CCSER1: variants seen among roughly 807,000 people sequenced by gnomAD.
The protein encoded by CCSER1 is coiled-coil serine rich protein 1.
CCSER1 carries 41 observed loss-of-function variants against 82.0 expected under a neutral mutation model. That is an observed-to-expected ratio of 0.50 (90% CI 0.39 to 0.65). The LOEUF (loss-of-function observed/expected upper bound fraction) is 0.65, where lower values mean the gene tolerates loss of function less well. Among genes scored for constraint, CCSER1 ranks in the 30% least tolerant of loss-of-function variants. The pLI is 0.00. For missense variants in CCSER1, 1,119 were observed against 1,064.2 expected (o/e 1.05, Z -0.72); for synonymous variants, 414 against 383.9 (o/e 1.08, Z -0.92).
At chr4:91,184,396 A>G (rs991808647) in intron 10 of CCSER1, among the ~76,000 whole-genome samples, 3 of 152,228 alleles carry the variant, frequency 2.0e-5, no homozygotes, top group Non-Finnish European at 4.4e-5. Flanking sequence ...ATCTATGACT[A>G]TTAAAGGCCA....
chr4:90,285,344 T>C (rs1729673297), intron 1 of CCSER1, among the ~76,000 whole-genome samples: 1 of 152,058 alleles, frequency 6.6e-6, no homozygotes, highest in Non-Finnish European at 1.5e-5. Flanking sequence ...ATAGTTTCCA[T>C]TGTAGATATC....
intron 4 of CCSER1, among the ~76,000 whole-genome samples, chr4:90,403,498 C>CAAAAAAAA (rs753570201): frequency 2.2e-3 from 100 of 45,488 alleles, no homozygotes; most frequent in South Asian, 6.1e-3. Flanking sequence ...GACTCCGTCT[C>CAAAAAAAA]AAAAAAAAAA....
intron 8 of CCSER1, among the ~76,000 whole-genome samples, chr4:90,919,660 A>G (rs1027986416): frequency 2.6e-5 from 4 of 151,900 alleles, no homozygotes; most frequent in Non-Finnish European, 5.9e-5. Context: ...GACTTTTATT[A>G]TACAAATGTT....
chr4:91,467,393 A>C (rs1184757035), intron 10 of CCSER1, among the ~76,000 whole-genome samples: 1 of 152,242 alleles, frequency 6.6e-6, no homozygotes, highest in Non-Finnish European at 1.5e-5. Flanking sequence ...AAAACCATAA[A>C]AACTCTAGAA....
intron 8 of CCSER1, among the ~76,000 whole-genome samples, chr4:90,887,766 C>A (rs918294685): frequency 6.6e-6 from 1 of 152,092 alleles, no homozygotes; most frequent in African/African-American, 2.4e-5. Context: ...CCTGTAGTCT[C>A]TGCTACCTGG....
chr4:90,159,186 A>G (rs768440779), intron 1 of CCSER1, among the ~76,000 whole-genome samples: 1 of 152,040 alleles, frequency 6.6e-6, no homozygotes, highest in Non-Finnish European at 1.5e-5. Flanking sequence ...GGCCTATGCC[A>G]CCGTGACTGG....
At position 90,399,340 on chromosome 4, in the gene CCSER1, G is replaced by T. The variant is rs184992978; in HGVS notation, c.1510-696G>T. ...ATAATCTCAGCTCTGATATATTATG[G>T]TATAATGCAAGTCAATAATTAATTT... On this transcript the variant is annotated intron_variant, in intron 3 of 10. Transcript: ENST00000509176. Among the ~76,000 whole-genome samples the T allele has an allele frequency of 2.0e-3, 304 of 151,962 alleles. 1 individual carries two copies. Among genetic ancestry groups the T allele is most frequent in the African/African-American group, 7.0e-3 (289 of 41,480 alleles).
At chr4:91,468,843 A>G (rs992514789) in intron 10 of CCSER1, among the ~76,000 whole-genome samples, 11 of 152,140 alleles carry the variant, frequency 7.2e-5, no homozygotes, top group Admixed American at 7.2e-4. Flanking sequence ...GTATAAATAC[A>G]TCTCAAGATG....
chr4:91,219,282 G>A (rs917702305), intron 10 of CCSER1, among the ~76,000 whole-genome samples: 13 of 139,594 alleles, frequency 9.3e-5, no homozygotes, highest in African/African-American at 3.4e-4. Context: ...GCAAATAAAA[G>A]TGAATAGTCA....
At chr4:91,111,696 A>G (rs1040290765) in intron 10 of CCSER1, among the ~76,000 whole-genome samples, 5 of 151,928 alleles carry the variant, frequency 3.3e-5, no homozygotes, top group Non-Finnish European at 7.4e-5. Flanking sequence ...AAACTCTACC[A>G]ATGTAGAGTT....
At chr4:90,724,631 G>T in intron 7 of CCSER1, 1 of 368,658 alleles carries the variant, frequency 2.7e-6, no homozygotes, top group Non-Finnish European at 5.3e-6. Flanking sequence ...GTTTGTACTG[G>T]GGTATTTAGA....
chr4:91,490,171 G>A (rs1168991537), intron 10 of CCSER1, among the ~76,000 whole-genome samples: 2 of 152,158 alleles, frequency 1.3e-5, no homozygotes, highest in Non-Finnish European at 2.9e-5. Context: ...CCACTATGGA[G>A]AACAGTGTGA....
At chr4:91,491,069 T>C (rs1758515605) in intron 10 of CCSER1, among the ~76,000 whole-genome samples, 1 of 150,758 alleles carries the variant, frequency 6.6e-6, no homozygotes, top group Non-Finnish European at 1.5e-5. Context: ...AAGCAAATAC[T>C]ACTGTTATAC....
intron 10 of CCSER1, among the ~76,000 whole-genome samples, chr4:91,525,779 C>G (rs763154969): frequency 4.6e-5 from 7 of 152,088 alleles, no homozygotes; most frequent in Non-Finnish European, 8.8e-5. Context: ...TACGTAGCCT[C>G]AACCTATGGA....
rs188154738 is a variant in CCSER1 at position 90,179,574 on chromosome 4, G to A, written c.-42+51743G>A. On this transcript the variant is annotated intron_variant, in intron 1 of 10. Coordinates refer to ENST00000509176, the MANE Select transcript of CCSER1 (RefSeq NM_001145065.2). ...TTGAAAATAAATTTTGTACAGAGAG[G>A]GTCTTGCTGTTTTGCCCAGGCTGGT... 3.0e-4 allele frequency among the ~76,000 whole-genome samples: 46 copies of A among 152,140 alleles called. 1 individual carries two copies. The East Asian group carries it at 8.3e-3, about 28-fold the overall frequency.
At chr4:91,154,203 A>G (rs541073675) in intron 10 of CCSER1, among the ~76,000 whole-genome samples, 117 of 152,122 alleles carry the variant, frequency 7.7e-4, no homozygotes, top group African/African-American at 2.8e-3. Flanking sequence ...CTCAAGCCTC[A>G]GGTATGGCAA....
chr4:90,716,153 T>C lies in CCSER1; in HGVS notation c.1933-7761T>C, dbSNP rs141055078. Among the ~76,000 whole-genome samples the C allele has an allele frequency of 3.3e-5, 5 of 151,822 alleles. No individual in the cohort carries two copies. In the East Asian group the frequency reaches 5.8e-4, roughly 18 times the overall value. ...TTAACCATATAACATCTGTAGAAGG[T>C]TATATAATACATTGCTAAAATTGGT... On this transcript the variant is annotated intron_variant, in intron 6 of 10. Transcript: ENST00000509176.
chr4:91,415,425 C>T (rs1457198280), intron 10 of CCSER1, among the ~76,000 whole-genome samples: 1 of 152,088 alleles, frequency 6.6e-6, no homozygotes, highest in Non-Finnish European at 1.5e-5. Flanking sequence ...CCTGATTGCC[C>T]TGGCCAGAAA....
chr4:90,487,747 C>T (rs964567849), intron 5 of CCSER1, among the ~76,000 whole-genome samples: 2 of 152,000 alleles, frequency 1.3e-5, no homozygotes, highest in Non-Finnish European at 2.9e-5. Flanking sequence ...TGGGTTCAAG[C>T]GATTCTGCCT....
Sources: gnomAD v4.1 joint callset for allele counts (sites outside exome capture counted in the v4.1 genomes callset) on GRCh38, gnomAD v4.1.1 for gene constraint, MANE v1.5 for transcripts, NCBI Gene and HGNC (gene_info 2026-07-23, HGNC 2026-07-21) for gene names.